Variants in ANOS1 observed in about 807,000 individuals in gnomAD.
ANOS1 encodes the protein anosmin-1.
In ANOS1, 6 loss-of-function variants were observed where a neutral mutation model predicts 59.0. That is an observed-to-expected ratio of 0.10 (90% confidence interval 0.06 to 0.20). The LOEUF (loss-of-function observed/expected upper bound fraction) is 0.20. ANOS1 is among the 10% of genes least tolerant of loss of function. ANOS1 has a pLI of 1.00. For missense variants in ANOS1, 433 were observed against 542.3 expected (o/e 0.80, Z 2.00); for synonymous variants, 217 against 223.4 (o/e 0.97, Z 0.25).
intron 3 of ANOS1, among the ~76,000 whole-genome samples, chrX:8,602,476 G>A (rs1249235875): frequency 9.0e-6 from 1 of 111,328 alleles, no homozygotes; most frequent in Non-Finnish European, 1.9e-5. Context: ...AAATTACTCA[G>A]AGATTTGTTA....
intron 2 of ANOS1, among the ~76,000 whole-genome samples, chrX:8,696,153 C>T (rs992965146): frequency 3.6e-5 from 4 of 112,099 alleles, no homozygotes; most frequent in African/African-American, 1.3e-4. Flanking sequence ...GCCTGGACTC[C>T]ATCCTCAAAA....
intron 2 of ANOS1, among the ~76,000 whole-genome samples, chrX:8,689,003 A>G (rs913606729): frequency 8.9e-6 from 1 of 111,834 alleles, no homozygotes; most frequent in Non-Finnish European, 1.9e-5. Flanking sequence ...GGAGGCTCCA[A>G]TTAGAACTGT....
At chrX:8,581,207 G>A (rs1163135071) in intron 6 of ANOS1, among the ~76,000 whole-genome samples, 1 of 111,029 alleles carries the variant, frequency 9.0e-6, no homozygotes. Flanking sequence ...AATCATGGGG[G>A]CAGGTCTTTC....
intron 2 of ANOS1, among the ~76,000 whole-genome samples, chrX:8,643,821 A>G (rs1365401604): frequency 2.7e-5 from 3 of 111,806 alleles, no homozygotes. Flanking sequence ...TTTCCTTTCC[A>G]TTGATCCCAG....
At chrX:8,625,321 A>G (rs926463288) in intron 2 of ANOS1, among the ~76,000 whole-genome samples, 3 of 111,957 alleles carry the variant, frequency 2.7e-5, no homozygotes, top group African/African-American at 9.7e-5. Flanking sequence ...TCTAAATATA[A>G]GCATAGCCCT....
chrX:8,654,607 T>G (rs770052124), intron 2 of ANOS1, among the ~76,000 whole-genome samples: 65 of 112,371 alleles, frequency 5.8e-4, no homozygotes, highest in Non-Finnish European at 9.4e-4. Flanking sequence ...CTTTAACGTC[T>G]CCAAGAAGCA....
intron 6 of ANOS1, among the ~76,000 whole-genome samples, chrX:8,572,989 A>T (rs1161367491): frequency 1.9e-5 from 2 of 107,763 alleles, no homozygotes; most frequent in East Asian, 5.9e-4. Flanking sequence ...TATTCACAAC[A>T]CTGCTGATCA....
chrX:8,596,294 C>T (rs772019740), intron 4 of ANOS1, among the ~76,000 whole-genome samples: 7 of 110,816 alleles, frequency 6.3e-5, no homozygotes, highest in African/African-American at 1.6e-4. Context: ...CTCTATATAA[C>T]TCTTCAATGA....
chrX:8,689,745 T>G (rs1932576616), intron 2 of ANOS1, among the ~76,000 whole-genome samples: 1 of 104,381 alleles, frequency 9.6e-6, no homozygotes. Flanking sequence ...AAACAGGTTC[T>G]GTGTGAGCAA....
chrX:8,588,522 C>T lies in ANOS1; in HGVS notation c.542-544G>A, dbSNP rs771043326. ...AGCAAAATCTCTTCATGTGAAATCT[C>T]CTAAGAGTGATTTCCAAAGTTCAAG... On this transcript the variant is annotated intron_variant, in intron 4 of 13. Coordinates refer to ENST00000262648, the MANE Select transcript of ANOS1 (RefSeq NM_000216.4). Among the ~76,000 whole-genome samples, 207 of 111,856 alleles carry T rather than the reference C, an allele frequency of 1.9e-3. 2 individuals carry two copies. The highest frequency in any genetic ancestry group is 6.6e-3 in the African/African-American group (204 of 30,832).
In ANOS1 at chrX:8,612,367, C is replaced by T. The variant is rs1931073767; in HGVS notation, c.318+11241G>A. On this transcript the variant is annotated intron_variant, in intron 3 of 13. Coordinates refer to ENST00000262648, the MANE Select transcript of ANOS1 (RefSeq NM_000216.4). ...ATAGTGCATAGGGCAAAATTTATAGCATAAAGCTCTTATATATGAAAGGAA... is the reference window on the plus strand; with the variant it reads ...ATAGTGCATAGGGCAAAATTTATAGTATAAAGCTCTTATATATGAAAGGAA... Among the ~76,000 whole-genome samples the T allele has an allele frequency of 3.6e-5, 4 of 110,785 alleles. No homozygotes were observed. In the South Asian group the frequency reaches 1.1e-3, roughly 31 times the overall value.
chrX:8,704,452 C>T (rs937554303), intron 1 of ANOS1, among the ~76,000 whole-genome samples: 2 of 111,784 alleles, frequency 1.8e-5, no homozygotes, highest in Non-Finnish European at 3.8e-5. Context: ...CAATTCAATG[C>T]TCCCCATACC....
At chrX:8,565,521 A>G (rs1443146765) in intron 8 of ANOS1, among the ~76,000 whole-genome samples, 1 of 112,426 alleles carries the variant, frequency 8.9e-6, no homozygotes, top group Non-Finnish European at 1.9e-5. Flanking sequence ...AAGAATAGAT[A>G]TTTAAGAAAG....
At chrX:8,601,955 G>C (rs917135348) in intron 3 of ANOS1, among the ~76,000 whole-genome samples, 1 of 111,906 alleles carries the variant, frequency 8.9e-6, no homozygotes, top group Non-Finnish European at 1.9e-5. Context: ...AGTGTGTCCA[G>C]CCACTAGATT....
At chrX:8,666,027 T>A in intron 2 of ANOS1, among the ~76,000 whole-genome samples, 1 of 109,303 alleles carries the variant, frequency 9.1e-6, no homozygotes, top group Middle Eastern at 4.6e-3. Context: ...CATAGCAAGA[T>A]CTTGTCTCTT....
intron 7 of ANOS1, among the ~76,000 whole-genome samples, chrX:8,569,405 G>A (rs1930179959): frequency 8.9e-6 from 1 of 112,616 alleles, no homozygotes; most frequent in Admixed American, 9.4e-5. Flanking sequence ...CACTTTGGGA[G>A]GCCAAGGTGG....
At chrX:8,691,488 T>C (rs1010349551) in intron 2 of ANOS1, among the ~76,000 whole-genome samples, 1 of 110,574 alleles carries the variant, frequency 9.0e-6, no homozygotes, top group Middle Eastern at 4.2e-3. Context: ...AGATAAATGA[T>C]AGACAGATTA....
At chrX:8,591,571 C>T (rs1281137663) in intron 4 of ANOS1, among the ~76,000 whole-genome samples, 1 of 111,948 alleles carries the variant, frequency 8.9e-6, no homozygotes, top group Non-Finnish European at 1.9e-5. Flanking sequence ...AGCATCAGGG[C>T]GATGTCAGTT....
intron 4 of ANOS1, among the ~76,000 whole-genome samples, chrX:8,589,199 C>T (rs1256278455): frequency 9.0e-6 from 1 of 111,674 alleles, no homozygotes. Context: ...TTTTTTAAAG[C>T]ATATTTATAT....
Sources: gnomAD v4.1 joint callset for allele counts (sites outside exome capture counted in the v4.1 genomes callset) on GRCh38, gnomAD v4.1.1 for gene constraint, MANE v1.5 for transcripts, NCBI Gene and HGNC (gene_info 2026-07-23, HGNC 2026-07-21) for gene names.